CBLL1: variants seen among roughly 807,000 people sequenced by gnomAD.
CBLL1 encodes the protein E3 ubiquitin-protein ligase Hakai.
CBLL1 carries 4 observed loss-of-function variants against 44.9 expected under a neutral mutation model. The ratio of observed to expected loss-of-function variants is 0.09; its 90% confidence interval spans 0.04 to 0.20. The LOEUF is 0.20. Ranked by LOEUF, CBLL1 falls within the 10% of genes least tolerant of loss-of-function variation. The pLI, the probability that CBLL1 is intolerant of heterozygous loss-of-function variation, is 1.00. For missense variants in CBLL1, 569 were observed against 636.7 expected (o/e 0.89, Z 1.14); for synonymous variants, 235 against 202.2 (o/e 1.16, Z -1.38).
chr7:107,754,133 A>G, intron 4 of CBLL1, 155 bp downstream of exon 4: 1 of 399,600 alleles, frequency 2.5e-6, no homozygotes, highest in Non-Finnish European at 4.4e-6. Flanking sequence ...CTATGAATTT[A>G]ATATGATTAT....
At position 107,750,837 on chromosome 7, in the gene CBLL1, T is replaced by A. The variant is rs529259907; in HGVS notation, c.181+1790T>A. On this transcript the variant is annotated intron_variant, in intron 2 of 5. Coordinates refer to ENST00000440859, the MANE Select transcript of CBLL1 (RefSeq NM_024814.4). ...ATTATCTATGGGGGCTTTCACACTA[T>A]AATGGTAGAGTTGAGTAATTGTGAT... Among the ~76,000 whole-genome samples the A allele has an allele frequency of 7.5e-5, 11 of 147,618 alleles. No individual in the cohort carries two copies. The South Asian group carries it at 2.2e-3, about 29-fold the overall frequency.
intron 2 of CBLL1, among the ~76,000 whole-genome samples, chr7:107,749,599 G>T (rs1329336856): frequency 1.5e-5 from 2 of 137,430 alleles, no homozygotes; most frequent in Non-Finnish European, 1.6e-5. Context: ...CACAGATTTG[G>T]CCTTTTTTTT....
intron 1 of CBLL1, among the ~76,000 whole-genome samples, chr7:107,745,260 G>C (rs540957723): frequency 6.6e-6 from 1 of 152,270 alleles, no homozygotes; most frequent in East Asian, 1.9e-4. Context: ...GCTGTGGAGA[G>C]ATTCATAGGA....
In CBLL1 at chr7:107,744,147, G is replaced by C; in HGVS notation, c.-17G>C. The C allele has an allele frequency of 6.4e-7, 1 of 1,552,650 alleles. No individual in the cohort carries two copies. Among genetic ancestry groups the C allele is most frequent in the Non-Finnish European group, 8.7e-7 (1 of 1,147,972 alleles). ...CGCGGTTGACTTCCGCTCCCACTGTGCTCTGCGAGCCGAATCATGGATCAC... is the reference window on the plus strand; with the variant it reads ...CGCGGTTGACTTCCGCTCCCACTGTCCTCTGCGAGCCGAATCATGGATCAC... On this transcript the variant is annotated 5_prime_UTR_variant, in exon 1 of 6. Transcript: ENST00000440859.
In CBLL1 at chr7:107,758,628, C is replaced by T; in HGVS notation, c.926C>T (p.Pro309Leu). ...TCAAATTCAGGTGCTAGAGAACCAC[C>T]ACCTCCTGCCCCAGCACCTGCTCAC... ...DDSNSGAREP[P>L]PPAPAPAHHH... The change falls in exon 6 of 6, where the codon CCA becomes CTA. Residue 309 changes from proline (P) to leucine (L), a missense_variant. Around this residue, in one of 5 missense-constraint regions of CBLL1, gnomAD observed 228 missense variants for 253.2 expected, o/e 0.90. Transcript: ENST00000440859. The surrounding 1 kb of genome is among the most constrained non-coding windows in gnomAD (Gnocchi z 4.2). The T allele has an allele frequency of 6.2e-7, 1 of 1,613,996 alleles. No homozygotes were observed. The highest frequency in any genetic ancestry group is 8.5e-7 in the Non-Finnish European group (1 of 1,180,004).
At chr7:107,752,620 A>G (rs1793356576) in intron 2 of CBLL1, 3 of 1,272,712 alleles carry the variant, frequency 2.4e-6, no homozygotes, top group Non-Finnish European at 3.1e-6. Flanking sequence ...TACTTTAGGT[A>G]ATTGGATTCT....
Position 107,758,763 on chromosome 7 carries a change from C to A in CBLL1, c.1061C>A (p.Pro354Gln), listed in dbSNP as rs1315783944. 2.5e-6 allele frequency: 4 copies of A among 1,613,600 alleles called. No individual in the cohort carries two copies. In the South Asian group the frequency reaches 4.4e-5, roughly 18 times the overall value. Reference sequence around the variant, plus strand: ...CCTCCTCCACCACCAATAAGCCATCCAATGCCACATCCTCCCCAGGCTGCA... The same window carrying A: ...CCTCCTCCACCACCAATAAGCCATCAAATGCCACATCCTCCCCAGGCTGCA... ...PPPPPPPISHPMPHPPQAAGT... is the reference protein window; with the variant it reads ...PPPPPPPISHQMPHPPQAAGT... The change falls in exon 6 of 6, where the codon CCA (proline) becomes CAA (glutamine). Residue 354 changes from proline to glutamine, a missense_variant. This residue lies in a region of CBLL1 where 228 missense variants were observed against 253.2 expected (regional missense o/e 0.90). Coordinates refer to ENST00000440859, the MANE Select transcript of CBLL1 (RefSeq NM_024814.4). The surrounding 1 kb of genome is among the most constrained non-coding windows in gnomAD (Gnocchi z 4.2).
In CBLL1 at chr7:107,753,964, A is replaced by G. The variant is rs1169325661; in HGVS notation, c.352A>G (p.Ile118Val). 2 of 1,582,972 alleles carry G rather than the reference A, an allele frequency of 1.3e-6. No homozygotes were observed. Among genetic ancestry groups the G allele is most frequent in the South Asian group, 1.1e-5 (1 of 88,364 alleles). Residue 118 changes from isoleucine to valine, a missense_variant, in exon 4 of 6, where the codon ATC becomes GTC. This residue lies in a region of CBLL1 where 209 missense variants were observed against 202.8 expected (regional missense o/e 1.03). Coordinates refer to ENST00000440859, the MANE Select transcript of CBLL1 (RefSeq NM_024814.4). The stretch of plus-strand genomic sequence containing the variant: ...TGACAAGTGTGGATTGCCTATTAAA[A>G]TCTATGGGAGAATGGTAAGTATAAT... ...FCDKCGLPIK[I>V]YGRMIPCKHV... is the part of the protein sequence containing the mutation.
chr7:107,752,450 G>T, intron 2 of CBLL1: 3 of 464,740 alleles, frequency 6.5e-6, no homozygotes, highest in Non-Finnish European at 1.2e-5. Context: ...GTCTCTCTGT[G>T]TGTGTGTGTG....
rs1793718573 is a variant in CBLL1, at chr7:107,760,392, A to G, written c.*1214A>G. The G allele has an allele frequency of 6.6e-6, 1 of 152,278 alleles. No homozygotes were observed. Among genetic ancestry groups the G allele is most frequent in the Non-Finnish European group, 1.5e-5 (1 of 67,964 alleles). 9.4% of individuals were successfully genotyped at this position (152,278 alleles called of 1,614,324 possible). ...AAGCAGTCTGAATTTGGAACATTTTATCATGGAGTCAACAGTGAAGACTAC... is the reference window on the plus strand; with the variant it reads ...AAGCAGTCTGAATTTGGAACATTTTGTCATGGAGTCAACAGTGAAGACTAC... On this transcript the variant is annotated 3_prime_UTR_variant, in exon 6 of 6. Coordinates refer to ENST00000440859, the MANE Select transcript of CBLL1 (RefSeq NM_024814.4).
At chr7:107,752,519 G>A in intron 2 of CBLL1, 3 of 1,269,596 alleles carry the variant, frequency 2.4e-6, no homozygotes, top group Non-Finnish European at 3.1e-6. Flanking sequence ...GTTAAAACTT[G>A]TGTGCTTGGC....
intron 1 of CBLL1, among the ~76,000 whole-genome samples, chr7:107,746,378 C>G (rs1283000500): frequency 6.6e-6 from 1 of 151,478 alleles, no homozygotes; most frequent in Non-Finnish European, 1.5e-5. Context: ...TCAGATGTCC[C>G]TTCTGCTTAA....
chr7:107,748,986 T>G lies in CBLL1; in HGVS notation c.120T>G (p.Pro40=). The part of the protein sequence containing the change: ...LISKQANKAK[P]APRTQRTINR... ...CCAAACAAGCAAACAAAGCGAAACC[T>G]GCACCGCGAACTCAAAGAACTATAA... Residue 40 remains proline, a synonymous_variant, in exon 2 of 6, where the codon CCT becomes CCG. Transcript: ENST00000440859. 6.2e-7 allele frequency: 1 copy of G among 1,614,156 alleles called. No homozygotes were observed. The highest frequency in any genetic ancestry group is 8.5e-7 in the Non-Finnish European group (1 of 1,180,006).
rs370363717 is a variant in CBLL1 at position 107,758,925 on chromosome 7, C to T, written c.1223C>T (p.Pro408Leu). Reference sequence around the variant, plus strand: ...AATCATCCTCCTCCAGGACCTCCCCCACCTCAACATGGTGGTCCACCTGTA... The same window carrying T: ...AATCATCCTCCTCCAGGACCTCCCCTACCTCAACATGGTGGTCCACCTGTA... ...YMNHPPPGPP[P>L]PQHGGPPVTA... The change falls in exon 6 of 6, where the codon CCA (proline) becomes CTA (leucine). Residue 408 changes from proline (P) to leucine (L), a missense_variant. Pro to Leu is a moderately conservative substitution (Grantham distance 98). This residue lies in a region of CBLL1 where 228 missense variants were observed against 253.2 expected (regional missense o/e 0.90). Coordinates refer to ENST00000440859, the MANE Select transcript of CBLL1 (RefSeq NM_024814.4). The surrounding 1 kb of genome is among the most constrained non-coding windows in gnomAD (Gnocchi z 4.2). 11 of 1,613,666 alleles carry T rather than the reference C, an allele frequency of 6.8e-6. No individual in the cohort carries two copies. The Admixed American group carries it at 1.8e-4, about 27-fold the overall frequency.
rs1793655607 is a variant in CBLL1, at chr7:107,758,986, A to T, written c.1284A>T (p.Ser428=). 1 of 1,613,752 alleles carries T rather than the reference A, an allele frequency of 6.2e-7. No individual in the cohort carries two copies. Among genetic ancestry groups the T allele is most frequent in the Non-Finnish European group, 8.5e-7 (1 of 1,179,884 alleles). ...CTCCTCACCATTATAATCCTAACTCATTACCCCAGTTCACTGAAGATCAAG... is the reference window on the plus strand; with the variant it reads ...CTCCTCACCATTATAATCCTAACTCTTTACCCCAGTTCACTGAAGATCAAG... ...APPPHHYNPN[S]LPQFTEDQGT... is the part of the protein sequence containing the mutation. Residue 428 remains serine, a synonymous_variant, in exon 6 of 6, where the codon TCA becomes TCT. Transcript: ENST00000440859. This position sits in a 1 kb window ranked among gnomAD's most constrained non-coding sequence, Gnocchi z 4.2.
rs543028196 is a variant in CBLL1 at position 107,760,439 on chromosome 7, A to G, written c.*1261A>G. 1 of 152,358 alleles carries G rather than the reference A, an allele frequency of 6.6e-6. No homozygotes were observed. Among genetic ancestry groups the G allele is most frequent in the African/African-American group, 2.4e-5 (1 of 41,570 alleles). 9.4% of individuals were successfully genotyped at this position (152,358 alleles called of 1,614,324 possible). On this transcript the variant is annotated 3_prime_UTR_variant, in exon 6 of 6. Transcript: ENST00000440859. ...CTACCAGATAATTTTGTATTGGAGAAGAGGAAATAACAGCTAAATTGTGGA... is the reference window on the plus strand; with the variant it reads ...CTACCAGATAATTTTGTATTGGAGAGGAGGAAATAACAGCTAAATTGTGGA...
rs1265115106 is a variant in CBLL1 at position 107,761,456 on chromosome 7, G to A, written c.*2278G>A. 1 of 152,124 alleles carries A rather than the reference G, an allele frequency of 6.6e-6. No homozygotes were observed. Among genetic ancestry groups the A allele is most frequent in the Non-Finnish European group, 1.5e-5 (1 of 67,852 alleles). 9.4% of individuals were successfully genotyped at this position (152,124 alleles called of 1,614,324 possible). On this transcript the variant is annotated 3_prime_UTR_variant, in exon 6 of 6. Coordinates refer to ENST00000440859, the MANE Select transcript of CBLL1 (RefSeq NM_024814.4). ...TTGAATTCATCAATTGTTTGAATGA[G>A]GGTGGGTGGGTAGAAGGATAACAAA...
intron 1 of CBLL1, among the ~76,000 whole-genome samples, chr7:107,748,555 T>G (rs1793118189): frequency 1.3e-5 from 2 of 152,198 alleles, no homozygotes; most frequent in Non-Finnish European, 2.9e-5. Flanking sequence ...TTCAAGACAA[T>G]GGTTCTTGGG....
chr7:107,758,130 C>G lies in CBLL1; in HGVS notation c.441-13C>G. 1 of 1,541,714 alleles carries G rather than the reference C, an allele frequency of 6.5e-7. No individual in the cohort carries two copies. The highest frequency in any genetic ancestry group is 8.7e-7 in the Non-Finnish European group (1 of 1,143,028). On this transcript the variant is annotated splice_polypyrimidine_tract_variant and intron_variant, in intron 5 of 5. Coordinates refer to ENST00000440859, the MANE Select transcript of CBLL1 (RefSeq NM_024814.4). This position sits in a 1 kb window ranked among gnomAD's most constrained non-coding sequence, Gnocchi z 4.2. ...TCTTTTAGTAAATCACATTTCTTTCCCTTCTAATTTAGCTGTAGTGATCCT... is the reference window on the plus strand; with the variant it reads ...TCTTTTAGTAAATCACATTTCTTTCGCTTCTAATTTAGCTGTAGTGATCCT...
Sources: gnomAD v4.1 joint callset for allele counts (sites outside exome capture counted in the v4.1 genomes callset) on GRCh38, gnomAD v4.1.1 for gene constraint, gnomAD v4.1.1 regional missense constraint, Gnocchi (gnomAD v3.1) non-coding constraint, MANE v1.5 for transcripts, NCBI Gene and HGNC (gene_info 2026-07-23, HGNC 2026-07-21) for gene names.